Variants in FLT1 observed in about 807,000 individuals in gnomAD.
FLT1 encodes vascular endothelial growth factor receptor 1.
In FLT1, 49 loss-of-function variants were observed where a neutral mutation model predicts 156.3. The ratio of observed to expected loss-of-function variants is 0.31; its 90% CI spans 0.25 to 0.40. FLT1 has a LOEUF of 0.40. Among genes scored for constraint, FLT1 ranks in the 10% least tolerant of loss-of-function variants. The pLI is 1.00. For synonymous variants in FLT1, 594 were observed against 583.8 expected, an observed-to-expected ratio of 1.02 and a Z score of -0.25; for missense variants, 1,322 against 1,637.2, an observed-to-expected ratio of 0.81 and a Z score of 3.32.
intron 12 of FLT1, among the ~76,000 whole-genome samples, chr13:28,392,571 C>G (rs946556624): frequency 1.3e-5 from 2 of 152,162 alleles, no homozygotes; most frequent in African/African-American, 4.8e-5. Context: ...TAGAGAGTTT[C>G]TATTTACTTT....
intron 25 of FLT1, among the ~76,000 whole-genome samples, chr13:28,313,254 C>G (rs568703186): frequency 6.6e-6 from 1 of 152,156 alleles, no homozygotes; most frequent in Admixed American, 6.5e-5. Flanking sequence ...TCTGGGATTA[C>G]AGGCGTGAGC....
At chr13:28,440,606 AGAGCAGGCTTTG>A (rs1227443822) in intron 3 of FLT1, among the ~76,000 whole-genome samples, 2 of 152,150 alleles carry the variant, frequency 1.3e-5, no homozygotes, top group Admixed American at 6.5e-5. Context: ...ATGGTGTGTG[AGAGCAGGCTTTG>A]GGGCAGGCTT....
intron 14 of FLT1, among the ~76,000 whole-genome samples, chr13:28,382,171 C>G (rs61629817): frequency 1.3e-5 from 2 of 152,152 alleles, no homozygotes; most frequent in African/African-American, 4.8e-5. Flanking sequence ...AATAAAGACT[C>G]ACGGAGGATC....
At chr13:28,403,162 T>G (rs1042745227) in intron 11 of FLT1, among the ~76,000 whole-genome samples, 7 of 151,770 alleles carry the variant, frequency 4.6e-5, no homozygotes, top group Non-Finnish European at 1.0e-4. Flanking sequence ...ATTAGTTCTG[T>G]TTTTTTTGGA....
chr13:28,494,009 T>C (rs539545506), intron 1 of FLT1, among the ~76,000 whole-genome samples: 1 of 152,222 alleles, frequency 6.6e-6, no homozygotes, highest in Non-Finnish European at 1.5e-5. Context: ...GGGTCACTGA[T>C]GTCCGCGACA....
At chr13:28,325,774 C>T (rs1467224491) in intron 20 of FLT1, among the ~76,000 whole-genome samples, 1 of 138,618 alleles carries the variant, frequency 7.2e-6, no homozygotes, top group Non-Finnish European at 1.5e-5. Context: ...GAGATCACAC[C>T]ACTGCACTCC....
Position 28,306,714 on chromosome 13 carries a change from C to A in FLT1, c.3779G>T (p.Trp1260Leu), listed in dbSNP as rs1870765754. 1 of 1,613,958 alleles carries A rather than the reference C, an allele frequency of 6.2e-7. No homozygotes were observed. Among genetic ancestry groups the A allele is most frequent in the East Asian group, 2.2e-5 (1 of 44,884 alleles). The part of the protein sequence containing the change: ...LASPMLKRFT[W>L]TDSKPKASLK... ...CGAGGCCTTGGGTTTGCTGTCAGTC[C>A]AGGTGAAGCGCTTCAGCATGGGAGA... Residue 1260 changes from tryptophan to leucine, a missense_variant, in exon 29 of 30, where the codon TGG (tryptophan) becomes TTG (leucine). Around this residue, in one of 3 missense-constraint regions of FLT1, gnomAD observed 329 missense variants for 366.2 expected, o/e 0.90. Coordinates refer to ENST00000282397, the MANE Select transcript of FLT1 (RefSeq NM_002019.4).
chr13:28,305,285 G>A (rs970688544), intron 29 of FLT1, among the ~76,000 whole-genome samples: 11 of 152,084 alleles, frequency 7.2e-5, no homozygotes, highest in African/African-American at 2.4e-4. Flanking sequence ...GTGTAGTGGT[G>A]CAATTGTGGC....
Position 28,430,065 on chromosome 13 carries a change from G to T in FLT1, c.1091C>A (p.Ser364Ter). The T allele has an allele frequency of 6.2e-7, 1 of 1,610,430 alleles. No homozygotes were observed. The highest frequency in any genetic ancestry group is 8.5e-7 in the Non-Finnish European group (1 of 1,176,656). Residue 364 changes from serine to a stop codon, truncating the protein, a stop_gained, in exon 8 of 30, where the codon TCG (serine) becomes TAG (stop). Coordinates refer to ENST00000282397, the MANE Select transcript of FLT1 (RefSeq NM_002019.4). LOFTEE classifies it high-confidence loss of function. Reference protein sequence around the residue: ...RLSMKVKAFPSPEVVWLKDGL... With the variant: ...RLSMKVKAFP ...ATGGTCCTACCATACAACTTCCGGC[G>T]AGGGAAATGCCTTCACTTTCATAGA...
intron 9 of FLT1, 60 bp from the exon 10 acceptor site, chr13:28,427,378 G>C: frequency 6.7e-7 from 1 of 1,501,266 alleles, no homozygotes; most frequent in Non-Finnish European, 9.3e-7. Flanking sequence ...CTTTCTCCTG[G>C]GCCACACATG....
chr13:28,372,568 A>ATG (rs1468475383), intron 14 of FLT1, among the ~76,000 whole-genome samples: 4 of 11,344 alleles, frequency 3.5e-4, no homozygotes, highest in Admixed American at 2.9e-3. Flanking sequence ...AATAAAATGT[A>ATG]TATATATATA....
chr13:28,426,966 T>G (rs2137537735), intron 10 of FLT1, among the ~76,000 whole-genome samples, 193 bp downstream of exon 10: 1 of 152,276 alleles, frequency 6.6e-6, no homozygotes, highest in Admixed American at 6.5e-5. Context: ...TATGAAATTG[T>G]TAGCCAGTGA....
chr13:28,324,612 A>G (rs538515921), intron 20 of FLT1, among the ~76,000 whole-genome samples: 1 of 152,370 alleles, frequency 6.6e-6, no homozygotes, highest in East Asian at 1.9e-4. Context: ...GTGTTTCCAC[A>G]ATGCAGTTAT....
At position 28,404,814 on chromosome 13, in the gene FLT1, G is replaced by A. The variant is rs1566007587; in HGVS notation, c.1551+966C>T. Among the ~76,000 whole-genome samples, 3 of 152,114 alleles carry A rather than the reference G, an allele frequency of 2.0e-5. No individual in the cohort carries two copies. The South Asian group carries it at 6.2e-4, about 32-fold the overall frequency. ...GCAGGTGGATCACCTGAGGTCAGGA[G>A]TTTGAGACCAACCTGGCCAATATGG... On this transcript the variant is annotated intron_variant, in intron 11 of 29. Coordinates refer to ENST00000282397, the MANE Select transcript of FLT1 (RefSeq NM_002019.4).
At chr13:28,390,506 C>T (rs1874647007) in intron 12 of FLT1, among the ~76,000 whole-genome samples, 1 of 152,128 alleles carries the variant, frequency 6.6e-6, no homozygotes, top group Non-Finnish European at 1.5e-5. Context: ...AGCGATTCTC[C>T]TGCCTCAGCT....
rs1372708490 is a variant in FLT1 at position 28,430,067 on chromosome 13, G to A, written c.1089C>T (p.Pro363=). The part of the protein sequence containing the change: ...YRLSMKVKAF[P]SPEVVWLKDG... ...GGTCCTACCATACAACTTCCGGCGA[G>A]GGAAATGCCTTCACTTTCATAGAGA... The change falls in exon 8 of 30, where the codon CCC becomes CCT. Residue 363 remains proline (P), a synonymous_variant. Transcript: ENST00000282397. 1 of 1,611,406 alleles carries A rather than the reference G, an allele frequency of 6.2e-7. No individual in the cohort carries two copies. Among genetic ancestry groups the A allele is most frequent in the African/African-American group, 1.3e-5 (1 of 74,974 alleles).
At chr13:28,424,744 G>A (rs771399096) in intron 10 of FLT1, among the ~76,000 whole-genome samples, 1 of 152,138 alleles carries the variant, frequency 6.6e-6, no homozygotes, top group Non-Finnish European at 1.5e-5. Context: ...CTACGTATTT[G>A]AGAGTAATGT....
In FLT1 at chr13:28,304,695, G is replaced by GC. The variant is rs533940923; in HGVS notation, c.3816-1328dup. 1.3e-3 allele frequency among the ~76,000 whole-genome samples: 200 copies of GC among 152,016 alleles called. 2 individuals are homozygous for GC. The highest frequency in any genetic ancestry group is 4.8e-3 in the African/African-American group (198 of 41,438). ...CCTGTTAGCAGTCTTTCTTCCTCAC[G>GC]CCCTCCAGCCCCAGCCCAAGGAAAC... On this transcript the variant is annotated intron_variant, in intron 29 of 29. Coordinates refer to ENST00000282397, the MANE Select transcript of FLT1 (RefSeq NM_002019.4).
intron 1 of FLT1, among the ~76,000 whole-genome samples, chr13:28,484,402 A>T (rs1881029450): frequency 6.6e-6 from 1 of 152,208 alleles, no homozygotes; most frequent in African/African-American, 2.4e-5. Context: ...GTTGTTTGTC[A>T]TCTGAACTGG....
Sources: allele counts gnomAD v4.1 joint callset (sites outside exome capture counted in the v4.1 genomes callset), GRCh38; gene constraint gnomAD v4.1.1; regional missense constraint gnomAD v4.1.1; transcripts MANE v1.5; gene names NCBI Gene and HGNC (gene_info 2026-07-23, HGNC 2026-07-21).